The following ZDHHC16 variants were observed in gnomAD, a reference collection of about 807,000 sequenced individuals.
ZDHHC16 encodes zDHHC palmitoyltransferase 16.
Under a neutral mutation model 54.4 loss-of-function variants are expected in ZDHHC16, and 33 were observed. That is an observed-to-expected ratio of 0.61 (90% CI 0.46 to 0.81). The LOEUF (loss-of-function observed/expected upper bound fraction) is 0.81. ZDHHC16 is among the 30% of genes least tolerant of loss of function. The pLI is 0.00. For missense variants in ZDHHC16, 420 were observed against 485.9 expected, an observed-to-expected ratio of 0.86 and a Z score of 1.28; for synonymous variants, 185 against 182.1, an observed-to-expected ratio of 1.02 and a Z score of -0.13.
Position 97,450,445 on chromosome 10 carries a change from C to G in ZDHHC16, c.-97C>G, listed in dbSNP as rs1285117376. ...CATCCCTGCAGTGGAGCAGCCTCCTCCAGTTTCTGTTGGGTTTTGAGCTAC... is the reference window on the plus strand; with the variant it reads ...CATCCCTGCAGTGGAGCAGCCTCCTGCAGTTTCTGTTGGGTTTTGAGCTAC... On this transcript the variant is annotated 5_prime_UTR_variant, in exon 2 of 12. Transcript: ENST00000393760. The G allele has an allele frequency of 6.6e-6, 1 of 152,278 alleles. No individual in the cohort carries two copies. The highest frequency in any genetic ancestry group is 1.5e-5 in the Non-Finnish European group (1 of 68,074). The allele number at this position is 152,278 out of a possible 1,614,324, so 9.4% of individuals were successfully genotyped here. A position where few individuals can be genotyped will look rare whatever the true frequency, so the allele number is the denominator to read the frequency against.
Position 97,453,639 on chromosome 10 carries a change from C to T in ZDHHC16, c.666C>T (p.Phe222=), listed in dbSNP as rs2133221069. Residue 222 remains phenylalanine, a synonymous_variant, in exon 7 of 12, where the codon TTC becomes TTT. Transcript: ENST00000393760. ...GCAGCTATGGAAGTTGGGACCTTTT[C>T]CGGGAGGCTTATGCTGCCATTGAGG... ...VYCSYGSWDL[F]REAYAAIEKM... The T allele has an allele frequency of 6.2e-7, 1 of 1,614,150 alleles. No homozygotes were observed. Among genetic ancestry groups the T allele is most frequent in the East Asian group, 2.2e-5 (1 of 44,880 alleles).
chr10:97,452,974 C>G, intron 6 of ZDHHC16, 51 bp downstream of exon 6: 1 of 1,612,888 alleles, frequency 6.2e-7, no homozygotes, highest in Non-Finnish European at 8.5e-7. Flanking sequence ...CTCCAGAGCA[C>G]TGTACAGGGT....
intron 3 of ZDHHC16, 39 bp downstream of exon 3, chr10:97,451,957 G>C (rs1683070170): frequency 6.3e-7 from 1 of 1,591,476 alleles, no homozygotes; most frequent in Non-Finnish European, 8.6e-7. Context: ...GGGTGTTGTG[G>C]GGAGCAGAGG....
At chr10:97,454,232 C>T (rs1846946715) in intron 8 of ZDHHC16, among the ~76,000 whole-genome samples, 1 of 152,054 alleles carries the variant, frequency 6.6e-6, no homozygotes, top group Admixed American at 6.6e-5. Flanking sequence ...ATCATCCCTG[C>T]CCCCCCAGTA....
In ZDHHC16 at chr10:97,457,046, T is replaced by C; in HGVS notation, c.*155T>C. 2.1e-6 allele frequency: 1 copy of C among 466,994 alleles called. No homozygotes were observed. The highest frequency in any genetic ancestry group is 3.7e-5 in the Admixed American group (1 of 27,304). 28.9% of individuals were successfully genotyped at this position (466,994 alleles called of 1,614,324 possible). The stretch of plus-strand genomic sequence containing the variant: ...AGGACAATTCAAGGACCAGCCTTTT[T>C]ACCACTGCAGAAGAAAGACACAATG... On this transcript the variant is annotated 3_prime_UTR_variant, in exon 12 of 12. Coordinates refer to ENST00000393760, the MANE Select transcript of ZDHHC16 (RefSeq NM_198046.3).
At position 97,451,778 on chromosome 10, in the gene ZDHHC16, CT is replaced by C; in HGVS notation, c.104del (p.Leu35GlnfsTer38). On this transcript the variant is annotated frameshift_variant, in exon 3 of 12. Transcript: ENST00000393760. LOFTEE classifies it high-confidence loss of function. ...RRRCPPLLRG[L>X]VQRWRYGKVC... ...CCGCTGTCCACCTCTACTCCGGGGT[CT>C]AGTACAGCGCTGGCGCTACGGCAAG... The C allele has an allele frequency of 1.2e-6, 2 of 1,614,190 alleles. No homozygotes were observed. The highest frequency in any genetic ancestry group is 1.7e-6 in the Non-Finnish European group (2 of 1,180,048).
In ZDHHC16 at chr10:97,452,473, C is replaced by G. The variant is rs763733185; in HGVS notation, c.497C>G (p.Ala166Gly). The G allele has an allele frequency of 1.9e-6, 3 of 1,614,222 alleles. No homozygotes were observed. Among genetic ancestry groups the G allele is most frequent in the Non-Finnish European group, 8.5e-7 (1 of 1,180,028 alleles). Reference protein sequence around the residue: ...ICKKCIYPKPARTHHCSICNR... With the variant: ...ICKKCIYPKPGRTHHCSICNR... ...AAGAAGTGCATTTACCCCAAGCCAG[C>G]CCGAACACACCACTGCAGCATCTGC... Residue 166 changes from alanine (A) to glycine (G), a missense_variant, in exon 5 of 12, where the codon GCC becomes GGC. By Grantham distance (60) the Ala-to-Gly change is moderately conservative. Transcript: ENST00000393760.
Position 97,457,131 on chromosome 10 carries a change from C to G in ZDHHC16, c.*240C>G, listed in dbSNP as rs1339009660. 3.4e-6 allele frequency: 1 copy of G among 291,100 alleles called. No homozygotes were observed. Among genetic ancestry groups the G allele is most frequent in the Non-Finnish European group, 6.5e-6 (1 of 154,248 alleles). The allele number at this position is 291,100 out of a possible 1,614,324, so 18.0% of individuals were successfully genotyped here. On this transcript the variant is annotated 3_prime_UTR_variant, in exon 12 of 12. Coordinates refer to ENST00000393760, the MANE Select transcript of ZDHHC16 (RefSeq NM_198046.3). The stretch of plus-strand genomic sequence containing the variant: ...GGCAAACAGAAGTTCCAACCCCAGA[C>G]TAGGGGTCAGGCAGCTAGCTACCTA...
chr10:97,446,916 A>C (rs543930588), intron 1 of ZDHHC16, among the ~76,000 whole-genome samples: 1 of 152,132 alleles, frequency 6.6e-6, no homozygotes, highest in Non-Finnish European at 1.5e-5. Flanking sequence ...ACGGGGTTTC[A>C]CCATGTTAGC....
chr10:97,446,550 C>T (rs892883105), intron 1 of ZDHHC16, among the ~76,000 whole-genome samples, 197 bp downstream of exon 1: 1 of 152,200 alleles, frequency 6.6e-6, no homozygotes, highest in Admixed American at 6.5e-5. Flanking sequence ...TCAAGCGACC[C>T]AACTCGTCTG....
chr10:97,454,763 C>G lies in ZDHHC16; in HGVS notation c.788C>G (p.Thr263Ser), dbSNP rs764232303. 1 of 1,614,198 alleles carries G rather than the reference C, an allele frequency of 6.2e-7. No individual in the cohort carries two copies. The highest frequency in any genetic ancestry group is 8.5e-7 in the Non-Finnish European group (1 of 1,180,034). Residue 263 changes from threonine (T) to serine (S), a missense_variant, in exon 9 of 12, where the codon ACT (threonine) becomes AGT (serine). Physicochemically the swap from Thr to Ser is moderately conservative, Grantham distance 58. Coordinates refer to ENST00000393760, the MANE Select transcript of ZDHHC16 (RefSeq NM_198046.3). ...PPTFSFRERM[T>S]HKSLVYLWFL... ...ACCTTCTCCTTTCGAGAAAGGATGA[C>G]TCACAAGAGTCTTGTCTACCTCTGG... is the stretch of plus-strand genomic sequence containing the variant.
At chr10:97,452,963 G>C in intron 6 of ZDHHC16, 40 bp downstream of exon 6, 1 of 1,614,002 alleles carries the variant, frequency 6.2e-7, no homozygotes, top group South Asian at 1.1e-5. Flanking sequence ...GCCTTCTTTA[G>C]CTCCAGAGCA....
Position 97,453,638 on chromosome 10 carries a change from T to G in ZDHHC16, c.665T>G (p.Phe222Cys). Reference protein sequence around the residue: ...VYCSYGSWDLFREAYAAIEKM... With the variant: ...VYCSYGSWDLCREAYAAIEKM... ...TGCAGCTATGGAAGTTGGGACCTTT[T>G]CCGGGAGGCTTATGCTGCCATTGAG... is the stretch of plus-strand genomic sequence containing the variant. The change falls in exon 7 of 12, where the codon TTC becomes TGC. Residue 222 changes from phenylalanine (F) to cysteine (C), a missense_variant. By Grantham distance (205) the Phe-to-Cys change is radical. Coordinates refer to ENST00000393760, the MANE Select transcript of ZDHHC16 (RefSeq NM_198046.3). 6.2e-7 allele frequency: 1 copy of G among 1,614,188 alleles called. No individual in the cohort carries two copies. The highest frequency in any genetic ancestry group is 8.5e-7 in the Non-Finnish European group (1 of 1,180,040).
intron 8 of ZDHHC16, 91 bp from the exon 9 acceptor site, chr10:97,454,623 G>A: frequency 8.3e-7 from 1 of 1,207,860 alleles, no homozygotes. Flanking sequence ...TCTCTGCCTG[G>A]ATTTGGATCA....
At chr10:97,456,691 T>A in intron 11 of ZDHHC16, 86 bp from the exon 12 acceptor site, 1 of 941,070 alleles carries the variant, frequency 1.1e-6, no homozygotes, top group Non-Finnish European at 1.6e-6. Flanking sequence ...AGCTTCAGGA[T>A]ACCTTGATGT....
At position 97,455,996 on chromosome 10, in the gene ZDHHC16, A is replaced by G. The variant is rs766889424; in HGVS notation, c.971A>G (p.Tyr324Cys). The G allele has an allele frequency of 7.4e-6, 12 of 1,614,170 alleles. No homozygotes were observed. The highest frequency in any genetic ancestry group is 9.3e-6 in the Non-Finnish European group (11 of 1,180,012). ...KGRVFRNPYN[Y>C]GCLDNWKVFL... Reference sequence around the variant, plus strand: ...CAGGTATTTAGGAATCCTTACAACTACGGCTGCTTGGACAACTGGAAGGTA... The same window carrying G: ...CAGGTATTTAGGAATCCTTACAACTGCGGCTGCTTGGACAACTGGAAGGTA... Residue 324 changes from tyrosine (Y) to cysteine (C), a missense_variant, in exon 11 of 12, where the codon TAC becomes TGC. Physicochemically the swap from Tyr to Cys is radical, Grantham distance 194. Transcript: ENST00000393760.
intron 9 of ZDHHC16, 142 bp from the exon 10 acceptor site, chr10:97,455,518 T>C (rs571743292): frequency 7.2e-7 from 1 of 1,392,676 alleles, no homozygotes; most frequent in East Asian, 2.3e-5. Context: ...GAAGTAAAAG[T>C]TTATCTAGGA....
intron 6 of ZDHHC16, 27 bp from the exon 7 acceptor site, chr10:97,453,503 T>G: frequency 6.2e-7 from 1 of 1,612,130 alleles, no homozygotes; most frequent in Non-Finnish European, 8.5e-7. Flanking sequence ...TGTGTTTGAT[T>G]CTAGTCCTTA....
chr10:97,450,117 C>A (rs1190378530), intron 1 of ZDHHC16, among the ~76,000 whole-genome samples: 2 of 147,396 alleles, frequency 1.4e-5, no homozygotes, highest in Non-Finnish European at 3.0e-5. Context: ...ATGATCCACC[C>A]GCCTCGGCCT....
Sources: gnomAD v4.1 joint callset for allele counts (sites outside exome capture counted in the v4.1 genomes callset) on GRCh38, gnomAD v4.1.1 for gene constraint, MANE v1.5 for transcripts, NCBI Gene and HGNC (gene_info 2026-07-23, HGNC 2026-07-21) for gene names.